Variants in DPT observed in about 807,000 individuals in gnomAD.
DPT encodes the protein dermatopontin, also known as tyrosine-rich acidic matrix protein.
DPT carries 21 observed loss-of-function variants against 31.2 expected under a neutral mutation model. The ratio of observed to expected loss-of-function variants is 0.67; its 90% confidence interval spans 0.48 to 0.97. DPT has a LOEUF of 0.97. DPT is among the 50% of genes least tolerant of loss of function. The pLI, the probability that DPT is intolerant of heterozygous loss-of-function variation, is 0.00. For missense variants in DPT, 262 were observed against 258.8 expected (o/e 1.01, Z -0.08); for synonymous variants, 91 against 86.9 (o/e 1.05, Z -0.26).
rs140391611 is a variant in DPT, at chr1:168,696,586, C to A, written c.569G>T (p.Arg190Leu). 40 of 1,613,860 alleles carry A rather than the reference C, an allele frequency of 2.5e-5. 1 individual carries two copies. Among genetic ancestry groups the A allele is most frequent in the Middle Eastern group, 3.3e-4 (2 of 6,084 alleles). The stretch of plus-strand genomic sequence containing the variant: ...AAATTCACAGTCGTATTCAGTCATC[C>A]GGCACATTATGAACTTCCACTGGCG... Reference protein sequence around the residue: ...RDRQWKFIMCRMTEYDCEFAN... With the variant: ...RDRQWKFIMCLMTEYDCEFAN... The change falls in exon 4 of 4, where the codon CGG becomes CTG. Residue 190 changes from arginine to leucine, a missense_variant. Transcript: ENST00000367817.
chr1:168,706,355 A>T (rs1649716206), intron 2 of DPT, among the ~76,000 whole-genome samples: 1 of 152,246 alleles, frequency 6.6e-6, no homozygotes, highest in South Asian at 2.1e-4. Flanking sequence ...TCTGTTCATG[A>T]TCAATCCTCT....
At chr1:168,703,517 A>G (rs56985705) in intron 2 of DPT, among the ~76,000 whole-genome samples, 4,501 of 152,312 alleles carry the variant, frequency 0.03, 232 homozygotes, top group African/African-American at 0.1. Context: ...AAGCCTCTCC[A>G]TGAGGTACTG....
intron 2 of DPT, among the ~76,000 whole-genome samples, chr1:168,701,969 T>C (rs1649608651): frequency 6.6e-6 from 1 of 152,218 alleles, no homozygotes; most frequent in Non-Finnish European, 1.5e-5. Flanking sequence ...CTTCCTCCTT[T>C]CCTTTCCTTC....
intron 2 of DPT, among the ~76,000 whole-genome samples, chr1:168,705,426 C>A (rs1229011629): frequency 1.3e-5 from 2 of 152,132 alleles, no homozygotes; most frequent in African/African-American, 4.8e-5. Flanking sequence ...CCTTGGCCCA[C>A]TTTGTGGGGA....
chr1:168,704,526 G>T (rs1350394251), intron 2 of DPT, among the ~76,000 whole-genome samples: 1 of 152,214 alleles, frequency 6.6e-6, no homozygotes, highest in Non-Finnish European at 1.5e-5. Flanking sequence ...CAGCCCGGGC[G>T]ACAGAGCGAG....
chr1:168,708,564 C>T (rs942117472), intron 2 of DPT, among the ~76,000 whole-genome samples: 1 of 152,150 alleles, frequency 6.6e-6, no homozygotes, highest in African/African-American at 2.4e-5. Context: ...GGAAGCTGCT[C>T]TTCATTTTTA....
At chr1:168,725,094 C>T (rs1318467600) in intron 1 of DPT, among the ~76,000 whole-genome samples, 2 of 152,220 alleles carry the variant, frequency 1.3e-5, no homozygotes, top group Non-Finnish European at 2.9e-5. Flanking sequence ...TTGTTTTAGA[C>T]TTCAATTTGC....
intron 2 of DPT, among the ~76,000 whole-genome samples, chr1:168,702,548 C>T (rs1244195663): frequency 6.6e-6 from 1 of 151,858 alleles, no homozygotes; most frequent in Non-Finnish European, 1.5e-5. Context: ...TCCTGCAAAT[C>T]CAGAAACTTA....
intron 1 of DPT, among the ~76,000 whole-genome samples, chr1:168,723,301 G>A (rs552105418): frequency 1.3e-5 from 2 of 152,336 alleles, no homozygotes; most frequent in South Asian, 2.1e-4. Flanking sequence ...AGCCATGCAA[G>A]GGCAACCTCC....
At chr1:168,707,008 T>C (rs41511950) in intron 2 of DPT, among the ~76,000 whole-genome samples, 3,966 of 152,318 alleles carry the variant, frequency 0.026, 183 homozygotes, top group African/African-American at 0.091. Flanking sequence ...ATGCCTACTG[T>C]GCTATTATGT....
intron 2 of DPT, among the ~76,000 whole-genome samples, chr1:168,709,244 G>A (rs1232312228): frequency 6.6e-6 from 1 of 152,202 alleles, no homozygotes; most frequent in African/African-American, 2.4e-5. Flanking sequence ...AGTCTGGTGT[G>A]CAGCCTGCAG....
At chr1:168,728,058 C>T (rs1650289499) in intron 1 of DPT, among the ~76,000 whole-genome samples, 1 of 152,194 alleles carries the variant, frequency 6.6e-6, no homozygotes, top group Admixed American at 6.5e-5. Context: ...GGATGAGCTC[C>T]TGACCAAGCA....
intron 2 of DPT, among the ~76,000 whole-genome samples, chr1:168,704,883 A>C (rs574038264): frequency 1.1e-3 from 161 of 152,340 alleles, no homozygotes; most frequent in African/African-American, 3.6e-3. Context: ...AAGCTCTAAA[A>C]TTATTAACAG....
At chr1:168,703,931 G>GCA (rs150333549) in intron 2 of DPT, among the ~76,000 whole-genome samples, 1 of 151,828 alleles carries the variant, frequency 6.6e-6, no homozygotes, top group Non-Finnish European at 1.5e-5. Flanking sequence ...ATGTGCACGC[G>GCA]CACACACACA....
intron 2 of DPT, among the ~76,000 whole-genome samples, chr1:168,705,612 AAAC>A (rs150704037): frequency 0.014 from 2,103 of 152,362 alleles, 51 homozygotes; most frequent in African/African-American, 0.048. Context: ...GCTTATGCTC[AAAC>A]AACATTTTAG....
intron 2 of DPT, among the ~76,000 whole-genome samples, chr1:168,706,284 A>G (rs1166638924): frequency 2.0e-5 from 3 of 152,176 alleles, no homozygotes; most frequent in Non-Finnish European, 4.4e-5. Flanking sequence ...TTATATATTC[A>G]GCTAAAAAGA....
chr1:168,699,740 T>A (rs1328893248), intron 3 of DPT, among the ~76,000 whole-genome samples: 1 of 152,118 alleles, frequency 6.6e-6, no homozygotes, highest in Non-Finnish European at 1.5e-5. Flanking sequence ...TTAATGTAAG[T>A]GTTATTTGGT....
intron 3 of DPT, among the ~76,000 whole-genome samples, chr1:168,697,228 C>A (rs1649486213): frequency 6.6e-6 from 1 of 152,068 alleles, no homozygotes; most frequent in Admixed American, 6.6e-5. Flanking sequence ...GGTGCCACTG[C>A]ACTCCAGCCT....
Position 168,696,278 on chromosome 1 carries a change from A to G in DPT, c.*271T>C. On this transcript the variant is annotated 3_prime_UTR_variant, in exon 4 of 4. Transcript: ENST00000367817. ...GCCCGGCTGTAAGCATGCGCACTGTATATGTGGTGTGCAAGGAAGCCATCA... is the reference window on the plus strand; with the variant it reads ...GCCCGGCTGTAAGCATGCGCACTGTGTATGTGGTGTGCAAGGAAGCCATCA... The G allele has an allele frequency of 1.8e-6, 1 of 560,724 alleles. No homozygotes were observed. 34.7% of individuals were successfully genotyped at this position (560,724 alleles called of 1,614,324 possible).
Sources: allele counts gnomAD v4.1 joint callset (sites outside exome capture counted in the v4.1 genomes callset), GRCh38; gene constraint gnomAD v4.1.1; transcripts MANE v1.5; gene names NCBI Gene and HGNC (gene_info 2026-07-23, HGNC 2026-07-21).